The following EIF2AK4 variants were observed in gnomAD, a reference collection of about 807,000 sequenced individuals.
The protein encoded by EIF2AK4 is eIF-2-alpha kinase GCN2.
Under a neutral mutation model 211.1 loss-of-function variants are expected in EIF2AK4, and 139 were observed. The ratio of observed to expected loss-of-function variants is 0.66; its 90% confidence interval spans 0.57 to 0.76. The LOEUF is 0.76. EIF2AK4 is among the 30% of genes least tolerant of loss of function. The pLI, the probability that EIF2AK4 is intolerant of heterozygous loss-of-function variation, is 0.00. For synonymous variants in EIF2AK4, 710 were observed against 751.3 expected, an observed-to-expected ratio of 0.94 and a Z score of 0.90; for missense variants, 1,664 against 2,043.8, an observed-to-expected ratio of 0.81 and a Z score of 3.58.
intron 4 of EIF2AK4, chr15:39,951,521 C>T: frequency 2.6e-6 from 1 of 381,972 alleles, no homozygotes; most frequent in Admixed American, 3.4e-5. Flanking sequence ...CCAATAGCTG[C>T]ACTCTGGAAG....
In EIF2AK4 at chr15:39,967,388, C is replaced by T; in HGVS notation, c.1062C>T (p.Ser354=). 6.2e-7 allele frequency: 1 copy of T among 1,605,524 alleles called. No homozygotes were observed. The highest frequency in any genetic ancestry group is 8.5e-7 in the Non-Finnish European group (1 of 1,173,600). The change falls in exon 9 of 39, where the codon AGC becomes AGT. Residue 354 remains serine, a synonymous_variant. Transcript: ENST00000263791. ...AATTCAACTCACTGGTAAAATTGAG[C>T]CATCCAAATGTAGTACGCTACCTTG... ...ETEFNSLVKL[S]HPNVVRYLAM... is the part of the protein sequence containing the mutation.
chr15:39,983,812 T>C (rs2034828081), intron 13 of EIF2AK4, among the ~76,000 whole-genome samples: 1 of 152,270 alleles, frequency 6.6e-6, no homozygotes, highest in South Asian at 2.1e-4. Flanking sequence ...GCCTGTTCAC[T>C]CTAATGATAG....
At chr15:39,989,701 T>C (rs1471437642) in intron 15 of EIF2AK4, among the ~76,000 whole-genome samples, 1 of 152,192 alleles carries the variant, frequency 6.6e-6, no homozygotes, top group African/African-American at 2.4e-5. Flanking sequence ...TTCTCTATTA[T>C]AATGCATGAA....
intron 13 of EIF2AK4, among the ~76,000 whole-genome samples, chr15:39,979,353 C>T (rs1213155041): frequency 6.6e-6 from 1 of 152,094 alleles, no homozygotes; most frequent in East Asian, 1.9e-4. Context: ...ATGAAAAATG[C>T]ACATGTGATA....
At position 39,992,790 on chromosome 15, in the gene EIF2AK4, G is replaced by A. The variant is rs1399184789; in HGVS notation, c.2708G>A (p.Gly903Asp). 6.2e-7 allele frequency: 1 copy of A among 1,613,974 alleles called. No homozygotes were observed. The highest frequency in any genetic ancestry group is 1.7e-5 in the Admixed American group (1 of 60,000). Residue 903 changes from glycine to aspartate, a missense_variant, in exon 18 of 39, where the codon GGC (glycine) becomes GAC (aspartate). By Grantham distance (94) the Gly-to-Asp change is moderately conservative (BLOSUM62 -1). Around this residue, in one of 7 missense-constraint regions of EIF2AK4, gnomAD observed 622 missense variants for 796.8 expected, o/e 0.78. Transcript: ENST00000263791. ...DPSGHLTGMV[G>D]TALYVSPEVQ... ...ACAGGTCACTTAACTGGGATGGTTG[G>A]CACTGCTCTCTATGTAAGCCCAGAG...
At chr15:39,992,429 G>C (rs1160792690) in intron 17 of EIF2AK4, 200 bp downstream of exon 17, 9 of 530,742 alleles carry the variant, frequency 1.7e-5, no homozygotes, top group Non-Finnish European at 2.9e-5. Flanking sequence ...AGAAATTAGA[G>C]CTTCAGTGAG....
chr15:39,958,317 C>T (rs1035142315), intron 6 of EIF2AK4, among the ~76,000 whole-genome samples: 10 of 152,148 alleles, frequency 6.6e-5, no homozygotes, highest in South Asian at 2.1e-4. Flanking sequence ...TGCAGATTAC[C>T]GTAGTGTAGC....
chr15:39,945,117 C>T (rs1005081803), intron 3 of EIF2AK4, among the ~76,000 whole-genome samples: 18 of 151,426 alleles, frequency 1.2e-4, no homozygotes, highest in African/African-American at 4.1e-4. Context: ...CCTCTGGTTT[C>T]TTGGATTTTT....
intron 37 of EIF2AK4, 29 bp from the exon 38 acceptor site, chr15:40,034,297 T>C: frequency 6.3e-7 from 1 of 1,582,286 alleles, no homozygotes. Context: ...TAGAGACCTG[T>C]TGTTAAGTCT....
At chr15:39,943,528 C>G (rs2034178805) in intron 3 of EIF2AK4, 43 bp downstream of exon 3, 2 of 1,464,372 alleles carry the variant, frequency 1.4e-6, no homozygotes, top group Admixed American at 2.1e-5. Context: ...CAGTAAACTT[C>G]CCCATTACAC....
At chr15:40,016,757 C>A in intron 28 of EIF2AK4, 85 bp downstream of exon 28, 1 of 1,440,894 alleles carries the variant, frequency 6.9e-7, no homozygotes, top group South Asian at 1.3e-5. Context: ...TTCACTAATG[C>A]TAGTTAGTGT....
intron 2 of EIF2AK4, among the ~76,000 whole-genome samples, chr15:39,942,455 AC>A (rs2034158189): frequency 6.6e-6 from 1 of 152,180 alleles, no homozygotes; most frequent in South Asian, 2.1e-4. Context: ...TGATCATAGC[AC>A]CCTTTCATAC....
intron 35 of EIF2AK4, among the ~76,000 whole-genome samples, chr15:40,031,737 T>A (rs903377024): frequency 6.6e-6 from 1 of 152,082 alleles, no homozygotes; most frequent in African/African-American, 2.4e-5. Flanking sequence ...TCTTCTTTTT[T>A]TTTTTTGAGA....
chr15:39,992,121 C>T, intron 16 of EIF2AK4, 54 bp from the exon 17 acceptor site: 1 of 1,478,398 alleles, frequency 6.8e-7, no homozygotes, highest in South Asian at 1.2e-5. Context: ...ACAAGCCATT[C>T]TCATGGAATA....
At position 39,973,875 on chromosome 15, in the gene EIF2AK4, T is replaced by C. The variant is rs564019363; in HGVS notation, c.1818+126T>C. The C allele has an allele frequency of 8.7e-5, 92 of 1,053,244 alleles. No individual in the cohort carries two copies. The African/African-American group carries it at 1.3e-3, about 15-fold the overall frequency. The allele number at this position is 1,053,244 out of a possible 1,614,324, so 65.2% of individuals were successfully genotyped here. On this transcript the variant is annotated intron_variant, in intron 11 of 38. Coordinates refer to ENST00000263791, the MANE Select transcript of EIF2AK4 (RefSeq NM_001013703.4). ...AAGTGAATATGGCTGTTGGATACTA[T>C]GCTCATCCTCACCTTCCTGGAGTTA...
chr15:39,963,413 A>G (rs1595550438), intron 7 of EIF2AK4, among the ~76,000 whole-genome samples: 1 of 152,180 alleles, frequency 6.6e-6, no homozygotes, highest in Non-Finnish European at 1.5e-5. Flanking sequence ...TAATACCCTT[A>G]TTAGGAGGCA....
chr15:39,977,774 T>A (rs1417180242), intron 12 of EIF2AK4: 1 of 195,496 alleles, frequency 5.1e-6, no homozygotes, highest in African/African-American at 2.3e-5. Flanking sequence ...CTTCTCAGAA[T>A]CCACCCTGGA....
In EIF2AK4 at chr15:39,976,509, A is replaced by G; in HGVS notation, c.1914A>G (p.Thr638=). The change falls in exon 12 of 39, where the codon ACA becomes ACG. Residue 638 remains threonine (T), a synonymous_variant. Coordinates refer to ENST00000263791, the MANE Select transcript of EIF2AK4 (RefSeq NM_001013703.4). ...TCCGCAGGATCAAGGGCGAAGTGACACTGCTGTCACGGCTGCACCATGAGA... is the reference window on the plus strand; with the variant it reads ...TCCGCAGGATCAAGGGCGAAGTGACGCTGCTGTCACGGCTGCACCATGAGA... ...RQFRRIKGEV[T]LLSRLHHENI... 1 of 1,612,406 alleles carries G rather than the reference A, an allele frequency of 6.2e-7. No individual in the cohort carries two copies. The highest frequency in any genetic ancestry group is 8.5e-7 in the Non-Finnish European group (1 of 1,179,706).
At chr15:40,015,791 G>A (rs1284624390) in intron 27 of EIF2AK4, among the ~76,000 whole-genome samples, 1 of 152,184 alleles carries the variant, frequency 6.6e-6, no homozygotes, top group Non-Finnish European at 1.5e-5. Flanking sequence ...TCTTAAAATG[G>A]CTATAATTTT....
Sources: gnomAD v4.1 joint callset for allele counts (sites outside exome capture counted in the v4.1 genomes callset) on GRCh38, gnomAD v4.1.1 for gene constraint, gnomAD v4.1.1 regional missense constraint, MANE v1.5 for transcripts, NCBI Gene and HGNC (gene_info 2026-07-23, HGNC 2026-07-21) for gene names.